The following CALN1 variants were observed in gnomAD, a reference collection of about 807,000 sequenced individuals.
CALN1 encodes calcium-binding protein 8.
A neutral mutation model predicts 30.6 loss-of-function variants in CALN1; 17 were observed. The observed-to-expected ratio is 0.56, with a 90% CI of 0.38 to 0.83. The LOEUF (loss-of-function observed/expected upper bound fraction) is 0.83, where lower values mean the gene tolerates loss of function less well. Among genes scored for constraint, CALN1 ranks in the 40% least tolerant of loss-of-function variants. CALN1 has a pLI of 0.00. For synonymous variants in CALN1, 156 were observed against 131.4 expected (o/e 1.19, Z -1.28); for missense variants, 291 against 354.9 (o/e 0.82, Z 1.45).
intron 2 of CALN1, chr7:72,337,128 C>A (rs1260006442): frequency 8.1e-6 from 8 of 985,708 alleles, no homozygotes; most frequent in Non-Finnish European, 9.6e-6. Flanking sequence ...GCCCAGTGGC[C>A]GAGGCCCCGC....
chr7:71,818,761 G>A (rs1242460067), intron 5 of CALN1, among the ~76,000 whole-genome samples: 1 of 151,550 alleles, frequency 6.6e-6, no homozygotes. Flanking sequence ...CCAGGCTGGA[G>A]TGCAGTGGTG....
At chr7:72,304,418 G>A (rs1368384403) in intron 2 of CALN1, among the ~76,000 whole-genome samples, 4 of 152,092 alleles carry the variant, frequency 2.6e-5, no homozygotes. Context: ...CAGGAAGGGG[G>A]GATTGCCTGA....
At chr7:72,252,310 C>T (rs565061552) in intron 3 of CALN1, among the ~76,000 whole-genome samples, 2 of 152,224 alleles carry the variant, frequency 1.3e-5, no homozygotes, top group African/African-American at 4.8e-5. Flanking sequence ...GAAATAGATC[C>T]AGAATCTGTC....
chr7:72,388,974 C>CTAGA (rs1390061551), intron 2 of CALN1, among the ~76,000 whole-genome samples: 1 of 152,186 alleles, frequency 6.6e-6, no homozygotes, highest in Non-Finnish European at 1.5e-5. Flanking sequence ...TGCCCTCTCT[C>CTAGA]TAGACCTGGA....
intron 2 of CALN1, among the ~76,000 whole-genome samples, chr7:72,379,981 G>A (rs1804791022): frequency 6.6e-6 from 1 of 152,166 alleles, no homozygotes; most frequent in South Asian, 2.1e-4. Flanking sequence ...TACCATGCAA[G>A]AAACCAAGTA....
intron 1 of CALN1, among the ~76,000 whole-genome samples, chr7:72,420,082 T>C (rs2909981): frequency 0.81 from 122,608 of 152,144 alleles, 49,594 homozygotes; most frequent in East Asian, 1. Context: ...AACACTTAGC[T>C]GTCCACAGTC....
intron 3 of CALN1, among the ~76,000 whole-genome samples, chr7:72,179,409 G>A (rs560226309): frequency 1.3e-5 from 2 of 152,214 alleles, no homozygotes; most frequent in East Asian, 3.9e-4. Flanking sequence ...AGACCAAACA[G>A]GTTAAGGCAA....
In CALN1 at chr7:71,787,791, C is replaced by T. The variant is rs370771019; in HGVS notation, c.770G>A (p.Arg257Gln). 7 of 1,613,862 alleles carry T rather than the reference C, an allele frequency of 4.3e-6. No individual in the cohort carries two copies. The highest frequency in any genetic ancestry group is 5.9e-6 in the Non-Finnish European group (7 of 1,180,026). The part of the protein sequence containing the change: ...VMLIAANQIL[R>Q]SGME ...GGGAGGCTGCTACTCCATGCCGCTC[C>T]GGAGTATCTGGTTGGCTGCAATCAG... Residue 257 changes from arginine (R) to glutamine (Q), a missense_variant, in exon 7 of 7, where the codon CGG (arginine) becomes CAG (glutamine). Arg to Gln is a conservative substitution (Grantham distance 43, BLOSUM62 1). Around this residue, in one of 2 missense-constraint regions of CALN1, gnomAD observed 169 missense variants for 251.7 expected, o/e 0.67. Coordinates refer to ENST00000395275, the MANE Select transcript of CALN1 (RefSeq NM_031468.4).
chr7:72,460,355 G>A, the CALN1 span, among the ~76,000 whole-genome samples: 1 of 152,202 alleles, frequency 6.6e-6, no homozygotes, highest in African/African-American at 2.4e-5. Context: ...TCCTTGGCCG[G>A]GTGTGGTGGC....
At chr7:72,232,546 C>A (rs1323823050) in intron 3 of CALN1, among the ~76,000 whole-genome samples, 1 of 152,152 alleles carries the variant, frequency 6.6e-6, no homozygotes, top group African/African-American at 2.4e-5. Context: ...CTACAACCTC[C>A]GCTTCCCAGG....
intron 3 of CALN1, among the ~76,000 whole-genome samples, chr7:72,213,605 GAA>G (rs1792567228): frequency 2.0e-5 from 3 of 152,202 alleles, no homozygotes; most frequent in Admixed American, 1.3e-4. Context: ...GGGAAAAAAA[GAA>G]AAGTGTATGA....
chr7:71,955,366 T>C (rs898762793), intron 5 of CALN1, among the ~76,000 whole-genome samples: 1 of 152,084 alleles, frequency 6.6e-6, no homozygotes, highest in African/African-American at 2.4e-5. Context: ...CCAAACTGTA[T>C]CAGTATTCTA....
At chr7:72,349,087 G>A (rs2129559176) in intron 2 of CALN1, among the ~76,000 whole-genome samples, 1 of 152,186 alleles carries the variant, frequency 6.6e-6, no homozygotes, top group African/African-American at 2.4e-5. Context: ...AGCTATTTGA[G>A]GGCTTAACAT....
At chr7:72,470,960 T>A in the CALN1 span, among the ~76,000 whole-genome samples, 78 of 152,118 alleles carry the variant, frequency 5.1e-4, no homozygotes, top group African/African-American at 1.7e-3. Context: ...TGTTTGTTTG[T>A]TTGTTTTATT....
intron 5 of CALN1, among the ~76,000 whole-genome samples, chr7:71,963,737 G>T (rs1343154735): frequency 6.6e-6 from 1 of 151,974 alleles, no homozygotes; most frequent in South Asian, 2.1e-4. Context: ...TGCAATAATA[G>T]ATTACACTTA....
chr7:72,423,936 G>GAGAA lies in CALN1; in HGVS notation c.-225-11665_-225-11662dup, dbSNP rs146895166. Among the ~76,000 whole-genome samples, 483 of 113,086 alleles carry GAGAA rather than the reference G, an allele frequency of 4.3e-3. 1 individual carries two copies. Among genetic ancestry groups the GAGAA allele is most frequent in the African/African-American group, 0.016 (463 of 28,748 alleles). 74.2% of individuals were successfully genotyped at this position (113,086 alleles called of 152,430 possible). A position where few individuals can be genotyped will look rare whatever the true frequency, so the allele number is the denominator to read the frequency against. On this transcript the variant is annotated intron_variant, in intron 1 of 6. Transcript: ENST00000395276. ...GAGACAGAAAGAGAAAAAGAAAGAAGAGAAAGAAAGAAAGAAGGGAGGGAG... is the reference window on the plus strand; with the variant it reads ...GAGACAGAAAGAGAAAAAGAAAGAAGAGAAAGAAAGAAAGAAAGAAGGGAGGGAG...
chr7:72,325,544 T>C (rs2129557633), intron 2 of CALN1, among the ~76,000 whole-genome samples: 1 of 152,224 alleles, frequency 6.6e-6, no homozygotes, highest in East Asian at 1.9e-4. Flanking sequence ...GAGGTTACAG[T>C]GAGCCAAGAT....
At chr7:72,132,439 C>T (rs757483561) in intron 3 of CALN1, among the ~76,000 whole-genome samples, 3 of 152,062 alleles carry the variant, frequency 2.0e-5, no homozygotes, top group Non-Finnish European at 2.9e-5. Flanking sequence ...ATCATGAAGT[C>T]AAAAATGTGT....
intron 5 of CALN1, among the ~76,000 whole-genome samples, chr7:71,987,764 G>A (rs1032706180): frequency 1.3e-5 from 2 of 152,238 alleles, no homozygotes; most frequent in African/African-American, 4.8e-5. Context: ...GCAGATAAAT[G>A]TCTAAATCTT....
Sources: allele counts gnomAD v4.1 joint callset (sites outside exome capture counted in the v4.1 genomes callset), GRCh38; gene constraint gnomAD v4.1.1; regional missense constraint gnomAD v4.1.1; transcripts MANE v1.5; gene names NCBI Gene and HGNC (gene_info 2026-07-23, HGNC 2026-07-21).